The following DCC variants were observed in gnomAD, a reference collection of about 807,000 sequenced individuals.
The protein encoded by DCC is netrin receptor DCC.
In DCC, 58 loss-of-function variants were observed where a neutral mutation model predicts 172.5. That is an observed-to-expected ratio of 0.34 (90% confidence interval 0.27 to 0.42). DCC has a LOEUF of 0.42. Among genes scored for constraint, DCC ranks in the 10% least tolerant of loss-of-function variants. DCC has a pLI of 1.00. For missense variants in DCC, 1,740 were observed against 1,791.0 expected, an observed-to-expected ratio of 0.97 and a Z score of 0.51; for synonymous variants, 709 against 644.5, an observed-to-expected ratio of 1.10 and a Z score of -1.52.
At position 53,178,992 on chromosome 18, in the gene DCC, G is replaced by T. The variant is rs1285447639; in HGVS notation, c.1449G>T (p.Gly483=). 3 of 1,613,922 alleles carry T rather than the reference G, an allele frequency of 1.9e-6. No individual in the cohort carries two copies. The highest frequency in any genetic ancestry group is 2.5e-6 in the Non-Finnish European group (3 of 1,179,966). ...RERALNTTQP[G]SLQLTVGNLK... Reference sequence around the variant, plus strand: ...GAGCATTGAATACAACACAGCCTGGGTCCCTTCAGCTCACTGTGGGAAACC... The same window carrying T: ...GAGCATTGAATACAACACAGCCTGGTTCCCTTCAGCTCACTGTGGGAAACC... The change falls in exon 9 of 29, where the codon GGG becomes GGT. Residue 483 remains glycine, a synonymous_variant. Coordinates refer to ENST00000442544, the MANE Select transcript of DCC (RefSeq NM_005215.4).
intron 1 of DCC, among the ~76,000 whole-genome samples, chr18:52,409,676 A>G (rs974808274): frequency 1.3e-4 from 20 of 152,140 alleles, no homozygotes; most frequent in African/African-American, 4.6e-4. Context: ...CAGTTTTTTG[A>G]CTAACAGTTT....
intron 1 of DCC, among the ~76,000 whole-genome samples, chr18:52,676,485 T>G (rs1411989101): frequency 6.6e-6 from 1 of 152,200 alleles, no homozygotes; most frequent in African/African-American, 2.4e-5. Context: ...ACCCAAAATA[T>G]CTGACTTATA....
intron 16 of DCC, among the ~76,000 whole-genome samples, chr18:53,389,722 T>G (rs1333334271): frequency 6.6e-6 from 1 of 152,144 alleles, no homozygotes; most frequent in Non-Finnish European, 1.5e-5. Flanking sequence ...CACCCTTGCT[T>G]GAAATTTCAG....
chr18:53,095,735 G>T (rs142899315), intron 7 of DCC, among the ~76,000 whole-genome samples: 2 of 149,138 alleles, frequency 1.3e-5, no homozygotes, highest in Admixed American at 6.7e-5. Context: ...ATTTATATCC[G>T]TAATGTCTTT....
intron 1 of DCC, among the ~76,000 whole-genome samples, chr18:52,395,232 A>C (rs1986177117): frequency 6.6e-6 from 1 of 152,028 alleles, no homozygotes; most frequent in East Asian, 1.9e-4. Context: ...TTATGTTTAG[A>C]TTGAAATTTA....
At chr18:52,458,067 G>A (rs920631673) in intron 1 of DCC, among the ~76,000 whole-genome samples, 4 of 152,170 alleles carry the variant, frequency 2.6e-5, no homozygotes, top group Non-Finnish European at 4.4e-5. Flanking sequence ...CACTGACTGA[G>A]ACAAGCCCAG....
intron 1 of DCC, among the ~76,000 whole-genome samples, chr18:52,498,566 G>T (rs562214192): frequency 5.3e-5 from 8 of 152,266 alleles, no homozygotes; most frequent in African/African-American, 1.9e-4. Context: ...AGAAGTTGCA[G>T]TGAGCCGAGA....
intron 21 of DCC, among the ~76,000 whole-genome samples, chr18:53,429,491 C>G (rs995734619): frequency 6.6e-6 from 1 of 151,782 alleles, no homozygotes; most frequent in Non-Finnish European, 1.5e-5. Flanking sequence ...AATTTGATTT[C>G]TAAGGATTTT....
intron 5 of DCC, among the ~76,000 whole-genome samples, chr18:53,043,226 C>A (rs1227169847): frequency 6.6e-6 from 1 of 150,450 alleles, no homozygotes; most frequent in Admixed American, 6.7e-5. Context: ...AACAGAAAAC[C>A]AAACAGCGCA....
intron 2 of DCC, among the ~76,000 whole-genome samples, chr18:52,836,354 A>G (rs2038704780): frequency 6.6e-6 from 1 of 152,202 alleles, no homozygotes; most frequent in South Asian, 2.1e-4. Context: ...TCATTTTAAC[A>G]TTAACTCAAA....
At chr18:53,413,808 C>T (rs1301239924) in intron 20 of DCC, among the ~76,000 whole-genome samples, 1 of 152,148 alleles carries the variant, frequency 6.6e-6, no homozygotes, top group Non-Finnish European at 1.5e-5. Flanking sequence ...AGTCTGGCTG[C>T]CAAACCTACA....
chr18:52,699,956 G>A (rs1371235517), intron 1 of DCC, among the ~76,000 whole-genome samples: 37 of 151,760 alleles, frequency 2.4e-4, no homozygotes, highest in Admixed American at 2.0e-3. Context: ...TGTAGGTATC[G>A]CTGCAGATAA....
intron 1 of DCC, among the ~76,000 whole-genome samples, chr18:52,633,566 C>A (rs2034716813): frequency 6.6e-6 from 1 of 152,092 alleles, no homozygotes; most frequent in African/African-American, 2.4e-5. Flanking sequence ...CCCCACAATG[C>A]CAAAGATTCC....
intron 5 of DCC, among the ~76,000 whole-genome samples, chr18:52,926,953 C>CA (rs2040215559): frequency 1.9e-5 from 2 of 102,702 alleles, no homozygotes; most frequent in Non-Finnish European, 4.5e-5. Context: ...ATGATATATA[C>CA]ACTATATATG....
chr18:52,415,688 C>A (rs1362678822), intron 1 of DCC, among the ~76,000 whole-genome samples: 1 of 150,490 alleles, frequency 6.6e-6, no homozygotes, highest in Non-Finnish European at 1.5e-5. Context: ...TAGAAGTGAA[C>A]TGGCAGTGGG....
intron 7 of DCC, among the ~76,000 whole-genome samples, chr18:53,144,883 A>C (rs948107768): frequency 3.3e-5 from 5 of 152,076 alleles, no homozygotes; most frequent in African/African-American, 1.2e-4. Flanking sequence ...GTTTGGAAGA[A>C]ATTCAGGAAC....
intron 7 of DCC, among the ~76,000 whole-genome samples, chr18:53,081,413 A>G (rs1196989615): frequency 2.6e-5 from 4 of 152,094 alleles, no homozygotes; most frequent in African/African-American, 9.7e-5. Context: ...TGAAATCCAC[A>G]AATCAAAAAC....
chr18:53,358,530 CTTTTTTTTTTT>C (rs35093625), intron 15 of DCC, among the ~76,000 whole-genome samples: 1 of 95,920 alleles, frequency 1.0e-5, no homozygotes, highest in Admixed American at 1.3e-4. Context: ...TTCTCTCTCT[CTTTTTTTTTTT>C]TTTTTTTTTT....
intron 9 of DCC, among the ~76,000 whole-genome samples, chr18:53,201,221 A>G (rs775964296): frequency 4.6e-5 from 7 of 152,158 alleles, no homozygotes; most frequent in Non-Finnish European, 1.0e-4. Flanking sequence ...GTTACAAGTC[A>G]CAGGAGGAGT....
Sources: allele counts gnomAD v4.1 joint callset (sites outside exome capture counted in the v4.1 genomes callset), GRCh38; gene constraint gnomAD v4.1.1; transcripts MANE v1.5; gene names NCBI Gene and HGNC (gene_info 2026-07-23, HGNC 2026-07-21).